The following ANKRD42 variants were observed in gnomAD, a reference collection of about 807,000 sequenced individuals.
ANKRD42 encodes ankyrin repeat domain 42, also known as ankyrin repeat domain-containing protein 42.
ANKRD42 carries 43 observed loss-of-function variants against 51.5 expected under a neutral mutation model. The observed-to-expected ratio is 0.83, with a 90% CI of 0.65 to 1.08. The LOEUF (loss-of-function observed/expected upper bound fraction) is 1.08. ANKRD42 is among the 50% of genes least tolerant of loss of function. The pLI is 0.00. For missense variants in ANKRD42, 608 were observed against 629.3 expected (o/e 0.97, Z 0.36); for synonymous variants, 203 against 213.0 (o/e 0.95, Z 0.41).
In ANKRD42 at chr11:83,248,769, C is replaced by T. The variant is rs1863617230; in HGVS notation, c.*565C>T. 1.0e-6 allele frequency: 1 copy of T among 975,652 alleles called. No homozygotes were observed. The highest frequency in any genetic ancestry group is 1.2e-6 in the Non-Finnish European group (1 of 821,044). The allele number at this position is 975,652 out of a possible 1,614,324, so 60.4% of individuals were successfully genotyped here. A position where few individuals can be genotyped will look rare whatever the true frequency, so the allele number is the denominator to read the frequency against. Reference sequence around the variant, plus strand: ...TAGTGTTAAAAACAAGATAGATGTTCCTTCTGACACTAAGTTCCACTCTCC... The same window carrying T: ...TAGTGTTAAAAACAAGATAGATGTTTCTTCTGACACTAAGTTCCACTCTCC... On this transcript the variant is annotated 3_prime_UTR_variant, in exon 11 of 11. Transcript: ENST00000533342.
chr11:83,216,232 A>G (rs1282061928), intron 5 of ANKRD42, among the ~76,000 whole-genome samples: 1 of 152,180 alleles, frequency 6.6e-6, no homozygotes, highest in African/African-American at 2.4e-5. Flanking sequence ...AGGGTTGTCC[A>G]TGTTTTTAAT....
chr11:83,261,820 A>G, downstream of ANKRD42: 1 of 874,410 alleles, frequency 1.1e-6, no homozygotes. Context: ...TTGTGTAGTA[A>G]ATTTTTGCTG....
chr11:83,209,707 A>G (rs1216399363), intron 3 of ANKRD42: 1 of 708,840 alleles, frequency 1.4e-6, no homozygotes, highest in Non-Finnish European at 2.6e-6. Flanking sequence ...CTTTCTGACA[A>G]CATTTTTTGT....
At chr11:83,203,871 C>G (rs533749620) in intron 2 of ANKRD42, among the ~76,000 whole-genome samples, 2 of 152,106 alleles carry the variant, frequency 1.3e-5, no homozygotes, top group African/African-American at 4.8e-5. Context: ...CTATTGAGCT[C>G]CTAGTAAACT....
downstream of ANKRD42, among the ~76,000 whole-genome samples, chr11:83,253,791 C>T (rs1181104499): frequency 6.6e-6 from 1 of 152,130 alleles, no homozygotes; most frequent in Non-Finnish European, 1.5e-5. Flanking sequence ...GATTTGGAAC[C>T]TTCAGTGAAC....
chr11:83,196,694 C>T (rs1861670622), intron 1 of ANKRD42, among the ~76,000 whole-genome samples: 1 of 152,100 alleles, frequency 6.6e-6, no homozygotes, highest in African/African-American at 2.4e-5. Context: ...TCTGTGAGTT[C>T]CTTGAGGGTG....
intron 9 of ANKRD42, among the ~76,000 whole-genome samples, chr11:83,243,979 T>A (rs1262279897): frequency 1.6e-5 from 2 of 125,234 alleles, no homozygotes; most frequent in Admixed American, 1.6e-4. Flanking sequence ...TTTTTTTTTT[T>A]TTTTTTTTTT....
intron 6 of ANKRD42, among the ~76,000 whole-genome samples, chr11:83,226,018 A>G (rs1862871451): frequency 6.6e-6 from 1 of 152,150 alleles, no homozygotes; most frequent in African/African-American, 2.4e-5. Context: ...GCCTCCCCGC[A>G]AAGCACTGGG....
rs1488806171 is a variant in ANKRD42 at position 83,236,421 on chromosome 11, A to G, written c.931A>G (p.Ile311Val). 9.9e-6 allele frequency: 16 copies of G among 1,610,628 alleles called. No individual in the cohort carries two copies. Among genetic ancestry groups the G allele is most frequent in the African/African-American group, 1.3e-5 (1 of 74,988 alleles). Residue 311 changes from isoleucine to valine, a missense_variant, in exon 8 of 11, where the codon ATA becomes GTA. Coordinates refer to ENST00000533342, the MANE Select transcript of ANKRD42 (RefSeq NM_001300975.2). Reference protein sequence around the residue: ...PMHKAAGQGHIECLQWLIKMG... With the variant: ...PMHKAAGQGHVECLQWLIKMG... Reference sequence around the variant, plus strand: ...TTGAACAGCTGCTGGACAAGGCCACATAGAGTGTTTGCAGTGGTTAATTAA... The same window carrying G: ...TTGAACAGCTGCTGGACAAGGCCACGTAGAGTGTTTGCAGTGGTTAATTAA...
chr11:83,263,244 T>C (rs1475913169), downstream of ANKRD42, among the ~76,000 whole-genome samples: 2 of 152,236 alleles, frequency 1.3e-5, no homozygotes, highest in Non-Finnish European at 2.9e-5. Context: ...AATTAAGTTT[T>C]AGATAACCAA....
intron 1 of ANKRD42, among the ~76,000 whole-genome samples, chr11:83,196,499 A>G (rs1861662961): frequency 6.6e-6 from 1 of 151,656 alleles, no homozygotes; most frequent in Non-Finnish European, 1.5e-5. Flanking sequence ...GCCTTGGCAA[A>G]CTCCTGTTAA....
At chr11:83,242,650 C>G (rs777487980) in intron 9 of ANKRD42, among the ~76,000 whole-genome samples, 10 of 147,170 alleles carry the variant, frequency 6.8e-5, no homozygotes, top group Non-Finnish European at 1.0e-4. Context: ...ACTGCAACCT[C>G]CGCCTCCTGG....
intron 1 of ANKRD42, among the ~76,000 whole-genome samples, chr11:83,195,095 C>T (rs979592561): frequency 2.6e-5 from 4 of 152,176 alleles, no homozygotes; most frequent in African/African-American, 9.7e-5. Flanking sequence ...CATTGAGTGA[C>T]CCTTTCCCTT....
chr11:83,223,111 G>C (rs185191679), intron 5 of ANKRD42, among the ~76,000 whole-genome samples: 1 of 152,112 alleles, frequency 6.6e-6, no homozygotes, highest in Non-Finnish European at 1.5e-5. Flanking sequence ...ATTGCTGGGC[G>C]TAGTGGCACA....
chr11:83,195,003 T>TA (rs1275770093), intron 1 of ANKRD42, among the ~76,000 whole-genome samples: 1 of 152,240 alleles, frequency 6.6e-6, no homozygotes, highest in Non-Finnish European at 1.5e-5. Context: ...CGGACCCTTT[T>TA]AAGTTCTTCC....
At chr11:83,236,574 A>G in intron 8 of ANKRD42, 65 bp downstream of exon 8, 2 of 1,290,812 alleles carry the variant, frequency 1.5e-6, no homozygotes, top group Non-Finnish European at 2.1e-6. Context: ...ACTTTTTTGG[A>G]CTCAAAAATC....
At chr11:83,215,753 C>G (rs1377314812) in intron 5 of ANKRD42, among the ~76,000 whole-genome samples, 1 of 152,000 alleles carries the variant, frequency 6.6e-6, no homozygotes, top group Non-Finnish European at 1.5e-5. Context: ...CTGTTTCTCC[C>G]ACATTTGGCC....
chr11:83,245,244 A>G (rs1374811640), intron 9 of ANKRD42, among the ~76,000 whole-genome samples: 2 of 152,242 alleles, frequency 1.3e-5, no homozygotes, highest in African/African-American at 2.4e-5. Flanking sequence ...CATAGCGTTA[A>G]TAGTCATAAC....
intron 2 of ANKRD42, among the ~76,000 whole-genome samples, chr11:83,199,725 A>G (rs546318887): frequency 2.0e-5 from 3 of 152,240 alleles, no homozygotes; most frequent in Non-Finnish European, 4.4e-5. Flanking sequence ...TTGACAATGC[A>G]TTGTCTTTTT....
Sources: allele counts gnomAD v4.1 joint callset (sites outside exome capture counted in the v4.1 genomes callset), GRCh38; gene constraint gnomAD v4.1.1; transcripts MANE v1.5; gene names NCBI Gene and HGNC (gene_info 2026-07-23, HGNC 2026-07-21).